The following ANKRD30B variants were observed in gnomAD, a reference collection of about 807,000 sequenced individuals.
ANKRD30B encodes ankyrin repeat domain-containing protein 30B.
A neutral mutation model predicts 202.2 loss-of-function variants in ANKRD30B; 144 were observed. The ratio of observed to expected loss-of-function variants is 0.71; its 90% confidence interval spans 0.62 to 0.82. The LOEUF is 0.82. Among genes scored for constraint, ANKRD30B ranks in the 40% least tolerant of loss-of-function variants. The probability of loss-of-function intolerance (pLI) is 0.00; values close to 1 mark genes in which losing one functional copy is unlikely to be tolerated. For missense variants in ANKRD30B, 1,487 were observed against 1,669.1 expected (o/e 0.89, Z 1.90); for synonymous variants, 508 against 561.3 (o/e 0.91, Z 1.34).
chr18:14,753,602 G>C lies in ANKRD30B; in HGVS notation c.510+590G>C, dbSNP rs138118206. Reference sequence around the variant, plus strand: ...TTCAAGGTATTCAAGACAGTTGATAGCTGTTTATAATATATAGTTTATATT... The same window carrying C: ...TTCAAGGTATTCAAGACAGTTGATACCTGTTTATAATATATAGTTTATATT... On this transcript the variant is annotated intron_variant, in intron 3 of 43. Transcript: ENST00000690538. 0.027 allele frequency among the ~76,000 whole-genome samples: 4,159 copies of C among 152,218 alleles called. 320 individuals are homozygous for C. In the East Asian group the frequency reaches 0.31, roughly 11 times the overall value.
chr18:14,851,978 A>G lies in ANKRD30B; in HGVS notation c.4034A>G (p.Asn1345Ser). The change falls in exon 42 of 44, where the codon AAT becomes AGT. Residue 1345 changes from asparagine (N) to serine (S), a missense_variant. By Grantham distance (46) the Asn-to-Ser change is conservative. Coordinates refer to ENST00000690538, the MANE Select transcript of ANKRD30B (RefSeq NM_001367607.2). Reference sequence around the variant, plus strand: ...GATGTGAGTAATACAATATATAACAATGAGGTGCTCCATCAACCACTTTAT... The same window carrying G: ...GATGTGAGTAATACAATATATAACAGTGAGGTGCTCCATCAACCACTTTAT... ...NVDVSNTIYNNEVLHQPLYEA... is the reference protein window; with the variant it reads ...NVDVSNTIYNSEVLHQPLYEA... 1 of 1,600,734 alleles carries G rather than the reference A, an allele frequency of 6.2e-7. No individual in the cohort carries two copies. Among genetic ancestry groups the G allele is most frequent in the East Asian group, 2.3e-5 (1 of 44,340 alleles).
At chr18:14,828,572 C>T (rs1192923965) in intron 33 of ANKRD30B, among the ~76,000 whole-genome samples, 2 of 152,178 alleles carry the variant, frequency 1.3e-5, no homozygotes, top group Non-Finnish European at 2.9e-5. Flanking sequence ...CTTGAGTTTG[C>T]CATCTGCTTA....
At chr18:14,816,638 CTG>C (rs1438262549) in intron 30 of ANKRD30B, 2 of 135,020 alleles carry the variant, frequency 1.5e-5, no homozygotes, top group Non-Finnish European at 3.1e-5. Context: ...GGGCCAGACT[CTG>C]TGAAAAAAAA....
chr18:14,751,489 T>A (rs1272656686), intron 1 of ANKRD30B, among the ~76,000 whole-genome samples: 2 of 151,976 alleles, frequency 1.3e-5, no homozygotes, highest in Non-Finnish European at 2.9e-5. Flanking sequence ...TTTCCTCTCA[T>A]GTTTCAAACA....
At chr18:14,757,747 A>C in intron 4 of ANKRD30B, 68 bp from the exon 5 acceptor site, 1 of 1,495,498 alleles carries the variant, frequency 6.7e-7, no homozygotes, top group Non-Finnish European at 9.0e-7. Context: ...GTAAATGGTT[A>C]ATTCTACACT....
At chr18:14,798,920 G>T (rs1193387602) in intron 20 of ANKRD30B, among the ~76,000 whole-genome samples, 181 bp from the exon 21 acceptor site, 1 of 152,004 alleles carries the variant, frequency 6.6e-6, no homozygotes. Context: ...ACAGTTTCAG[G>T]GGGTCTCCCT....
intron 16 of ANKRD30B, among the ~76,000 whole-genome samples, chr18:14,792,066 A>G (rs1345318280): frequency 1.3e-5 from 2 of 152,208 alleles, no homozygotes; most frequent in African/African-American, 4.8e-5. Flanking sequence ...ATGCATGGCC[A>G]CACATGTATA....
chr18:14,837,430 C>T, intron 35 of ANKRD30B, 141 bp downstream of exon 35: 1 of 853,450 alleles, frequency 1.2e-6, no homozygotes. Context: ...TAAAAAAGTA[C>T]ATTTTGATAT....
chr18:14,846,640 T>A (rs1040309072), intron 39 of ANKRD30B, among the ~76,000 whole-genome samples: 2 of 152,092 alleles, frequency 1.3e-5, no homozygotes, highest in Admixed American at 1.3e-4. Flanking sequence ...ACTGTTATGT[T>A]TTCTTGATTA....
At chr18:14,939,175 T>C in the ANKRD30B span, among the ~76,000 whole-genome samples, 3 of 152,332 alleles carry the variant, frequency 2.0e-5, no homozygotes, top group East Asian at 3.9e-4. Context: ...TCTGTTTTTT[T>C]TCAGGATGTA....
At chr18:14,781,418 C>G (rs1018979565) in intron 11 of ANKRD30B, among the ~76,000 whole-genome samples, 2 of 140,706 alleles carry the variant, frequency 1.4e-5, no homozygotes, top group African/African-American at 5.2e-5. Context: ...CCTCAGCCTC[C>G]GGAGTAGCTG....
At chr18:14,897,548 TG>T in the ANKRD30B span, among the ~76,000 whole-genome samples, 1 of 152,132 alleles carries the variant, frequency 6.6e-6, no homozygotes, top group African/African-American at 2.4e-5. Flanking sequence ...AAAATCAAAT[TG>T]ATTTTAGATG....
chr18:14,826,054 T>TCAGTA (rs1453220338), intron 32 of ANKRD30B, among the ~76,000 whole-genome samples: 86 of 152,200 alleles, frequency 5.7e-4, no homozygotes, highest in African/African-American at 2.0e-3. Flanking sequence ...AGTAGGTAAT[T>TCAGTA]GGTTTATACG....
At chr18:14,749,971 A>T (rs11872194) in intron 1 of ANKRD30B, among the ~76,000 whole-genome samples, 46,716 of 151,768 alleles carry the variant, frequency 0.31, 7,924 homozygotes, top group Middle Eastern at 0.41. Context: ...TAGATTAAAA[A>T]TTTTTAATAT....
chr18:14,772,269 T>C, intron 9 of ANKRD30B, 41 bp downstream of exon 9: 1 of 1,256,820 alleles, frequency 8.0e-7, no homozygotes, highest in Non-Finnish European at 1.1e-6. Context: ...TCAGTTGCAA[T>C]ATATTTCTGT....
intron 41 of ANKRD30B, 111 bp from the exon 42 acceptor site, chr18:14,851,398 T>G: frequency 1.7e-6 from 2 of 1,173,996 alleles, no homozygotes; most frequent in Non-Finnish European, 2.3e-6. Context: ...TGATACCTAC[T>G]TATAAAAACC....
the ANKRD30B span, among the ~76,000 whole-genome samples, chr18:14,915,794 A>T: frequency 6.6e-6 from 1 of 152,240 alleles, no homozygotes; most frequent in East Asian, 1.9e-4. Context: ...ATACGTAGAT[A>T]TAGTAGGCCC....
the ANKRD30B span, among the ~76,000 whole-genome samples, chr18:14,895,663 G>T: frequency 3.9e-4 from 60 of 152,214 alleles, no homozygotes; most frequent in Non-Finnish European, 4.7e-4. Context: ...TATGGTACAC[G>T]TATACATTGG....
the ANKRD30B span, among the ~76,000 whole-genome samples, chr18:14,887,563 T>G: frequency 6.6e-6 from 1 of 152,040 alleles, no homozygotes; most frequent in African/African-American, 2.4e-5. Flanking sequence ...ATTGTAAGCA[T>G]TGCTTCAGGC....
Sources: allele counts gnomAD v4.1 joint callset (sites outside exome capture counted in the v4.1 genomes callset), GRCh38; gene constraint gnomAD v4.1.1; transcripts MANE v1.5; gene names NCBI Gene and HGNC (gene_info 2026-07-23, HGNC 2026-07-21).